PDHX: variants seen among roughly 807,000 people sequenced by gnomAD.
PDHX encodes pyruvate dehydrogenase complex component X, also known as pyruvate dehydrogenase protein X component, mitochondrial.
Under a neutral mutation model 55.3 loss-of-function variants are expected in PDHX, and 33 were observed. That is an observed-to-expected ratio of 0.60 (90% CI 0.45 to 0.80). The LOEUF is 0.80. PDHX is among the 30% of genes least tolerant of loss of function. The probability of loss-of-function intolerance (pLI) is 0.00; values close to 1 mark genes in which losing one functional copy is unlikely to be tolerated. For missense variants in PDHX, 622 were observed against 619.9 expected, an observed-to-expected ratio of 1.00 and a Z score of -0.04; for synonymous variants, 226 against 219.4, an observed-to-expected ratio of 1.03 and a Z score of -0.27.
rs188255404 is a variant in PDHX, at chr11:34,985,257, G to A, written c.1182+529G>A. Among the ~76,000 whole-genome samples, 581 of 152,194 alleles carry A rather than the reference G, an allele frequency of 3.8e-3. 3 individuals are homozygous for A. The highest frequency in any genetic ancestry group is 5.7e-3 in the Non-Finnish European group (389 of 67,986). On this transcript the variant is annotated intron_variant, in intron 9 of 10. Coordinates refer to ENST00000227868, the MANE Select transcript of PDHX (RefSeq NM_003477.3). ...GGAGATTGAGACCAACCTGGCCAAC[G>A]TGGTGTAACCCCATCTCTACTAAAA...
chr11:34,982,014 C>T lies in PDHX; in HGVS notation c.1024-2556C>T, dbSNP rs1175529481. Among the ~76,000 whole-genome samples the T allele has an allele frequency of 3.3e-5, 5 of 152,150 alleles. No homozygotes were observed. In the East Asian group the frequency reaches 7.7e-4, roughly 23 times the overall value. On this transcript the variant is annotated intron_variant, in intron 8 of 10. Transcript: ENST00000227868. ...GAAGCTCTTTAGTTTAATGAGATCC[C>T]ATTTGTCAATTTTGGCTTTTGTTGC...
intron 1 of PDHX, among the ~76,000 whole-genome samples, chr11:34,917,237 C>T (rs900853411): frequency 6.6e-6 from 1 of 152,144 alleles, no homozygotes; most frequent in Admixed American, 6.5e-5. Flanking sequence ...ATTCTCTAGG[C>T]CTCTCTCTGT....
chr11:34,972,424 G>A (rs1451599534), intron 7 of PDHX, among the ~76,000 whole-genome samples: 1 of 149,840 alleles, frequency 6.7e-6, no homozygotes, highest in East Asian at 1.9e-4. Context: ...TTGAGACAGG[G>A]TCTTGCTGTG....
chr11:34,950,165 T>A (rs548391748), intron 3 of PDHX, among the ~76,000 whole-genome samples: 265 of 152,074 alleles, frequency 1.7e-3, no homozygotes, highest in African/African-American at 5.8e-3. Flanking sequence ...TTGCCCACAA[T>A]CCCATTCAAA....
At chr11:34,978,617 G>A (rs765963566) in intron 8 of PDHX, among the ~76,000 whole-genome samples, 6 of 152,128 alleles carry the variant, frequency 3.9e-5, no homozygotes, top group Non-Finnish European at 7.4e-5. Context: ...GATACGGCCT[G>A]AGAAAACAGA....
At chr11:34,942,797 T>C (rs2986405) in intron 2 of PDHX, among the ~76,000 whole-genome samples, 121,239 of 152,092 alleles carry the variant, frequency 0.8, 48,516 homozygotes, top group African/African-American at 0.83. Flanking sequence ...TTCTTTTCCC[T>C]ACCTCCCTCT....
intron 4 of PDHX, among the ~76,000 whole-genome samples, chr11:34,959,258 A>T (rs1412002217): frequency 6.6e-6 from 1 of 152,152 alleles, no homozygotes; most frequent in Middle Eastern, 3.2e-3. Context: ...ACAGGTGAAG[A>T]ACTTTAATAG....
At position 34,931,812 on chromosome 11, in the gene PDHX, TTGTGTGTG is replaced by T. The variant is rs35425265; in HGVS notation, c.241+360_241+367del. 7.6e-3 allele frequency among the ~76,000 whole-genome samples: 1,111 copies of T among 146,132 alleles called. 9 individuals are homozygous for T. The highest frequency in any genetic ancestry group is 0.019 in the African/African-American group (782 of 40,108). On this transcript the variant is annotated intron_variant, in intron 2 of 10. Transcript: ENST00000227868. ...TCCTTAATTTATAACTTTATCATGA[TTGTGTGTG>T]TGTGTGTGTGTGTGTGTGTGTGTGT...
intron 6 of PDHX, among the ~76,000 whole-genome samples, chr11:34,969,363 C>T (rs189988995): frequency 4.0e-5 from 6 of 148,294 alleles, no homozygotes; most frequent in South Asian, 2.1e-4. Context: ...TTTTTTTTCC[C>T]GAAACAATCT....
chr11:34,970,376 T>A, intron 7 of PDHX, 90 bp downstream of exon 7: 1 of 1,032,494 alleles, frequency 9.7e-7, no homozygotes, highest in Non-Finnish European at 1.5e-6. Context: ...AAAAGCTACA[T>A]TGTGTAGCTT....
chr11:34,967,153 A>G (rs1218503208), intron 6 of PDHX, among the ~76,000 whole-genome samples: 1 of 152,032 alleles, frequency 6.6e-6, no homozygotes, highest in Non-Finnish European at 1.5e-5. Flanking sequence ...CACCTGGCCT[A>G]GATTTTTATT....
chr11:34,989,718 C>T (rs577727564), intron 9 of PDHX, among the ~76,000 whole-genome samples: 1 of 152,194 alleles, frequency 6.6e-6, no homozygotes, highest in African/African-American at 2.4e-5. Flanking sequence ...GCTTCTGTAG[C>T]TGAAATAGTT....
Position 34,916,833 on chromosome 11 carries a change from G to A in PDHX, c.160+18G>A, listed in dbSNP as rs1483613969. 1 of 1,552,660 alleles carries A rather than the reference G, an allele frequency of 6.4e-7. No homozygotes were observed. Among genetic ancestry groups the A allele is most frequent in the Non-Finnish European group, 8.7e-7 (1 of 1,146,896 alleles). ...GCTTCGGGGTGAGTGGCCGGGGCTC[G>A]CTCAGCTTCTCTGTGTAGCTGAGTG... On this transcript the variant is annotated intron_variant, in intron 1 of 10. Transcript: ENST00000227868.
chr11:34,947,894 C>A (rs1221503945), intron 3 of PDHX, among the ~76,000 whole-genome samples: 1 of 152,112 alleles, frequency 6.6e-6, no homozygotes, highest in Non-Finnish European at 1.5e-5. Context: ...ATGGTAGAAA[C>A]ATGACTATTT....
chr11:34,975,910 A>G (rs1855359949), intron 7 of PDHX, among the ~76,000 whole-genome samples: 1 of 152,202 alleles, frequency 6.6e-6, no homozygotes. Context: ...TCAAGATTTC[A>G]TATAAAGACA....
chr11:34,947,630 T>G, intron 3 of PDHX, 24 bp downstream of exon 3: 1 of 1,446,678 alleles, frequency 6.9e-7, no homozygotes, highest in Non-Finnish European at 9.7e-7. Flanking sequence ...TTAATTTTCT[T>G]CAACAGGATG....
At chr11:34,988,210 A>G (rs1855691521) in intron 9 of PDHX, among the ~76,000 whole-genome samples, 1 of 152,186 alleles carries the variant, frequency 6.6e-6, no homozygotes, top group African/African-American at 2.4e-5. Flanking sequence ...AAGTATTTGT[A>G]CTGCTTAATG....
chr11:34,919,541 C>T (rs2915205), intron 1 of PDHX, among the ~76,000 whole-genome samples: 56,693 of 152,054 alleles, frequency 0.37, 10,957 homozygotes, highest in East Asian at 0.74. Context: ...TCATTCACTT[C>T]TCACATAACC....
chr11:34,981,332 A>G (rs901972205), intron 8 of PDHX, among the ~76,000 whole-genome samples: 3 of 152,058 alleles, frequency 2.0e-5, no homozygotes, highest in African/African-American at 7.2e-5. Context: ...ACATGAACTC[A>G]TCATTTTTTA....
Sources: gnomAD v4.1 joint callset for allele counts (sites outside exome capture counted in the v4.1 genomes callset) on GRCh38, gnomAD v4.1.1 for gene constraint, MANE v1.5 for transcripts, NCBI Gene and HGNC (gene_info 2026-07-23, HGNC 2026-07-21) for gene names.